The following KPNA4 variants were observed in gnomAD, a reference collection of about 807,000 sequenced individuals.
KPNA4 encodes importin subunit alpha-3.
KPNA4 carries 13 observed loss-of-function variants against 71.3 expected under a neutral mutation model. That is an observed-to-expected ratio of 0.18 (90% CI 0.12 to 0.29). KPNA4 has a LOEUF of 0.29. Among genes scored for constraint, KPNA4 ranks in the 10% least tolerant of loss-of-function variants. KPNA4 has a pLI of 1.00. For synonymous variants in KPNA4, 189 were observed against 195.2 expected (o/e 0.97, Z 0.26); for missense variants, 334 against 603.2 (o/e 0.55, Z 4.67).
At chr3:160,513,570 C>T (rs1721145124) in intron 13 of KPNA4, among the ~76,000 whole-genome samples, 2 of 152,062 alleles carry the variant, frequency 1.3e-5, no homozygotes. Flanking sequence ...CAGCCTCATG[C>T]TGTAATTGCG....
At chr3:160,527,620 A>G (rs1721482419) in intron 8 of KPNA4, among the ~76,000 whole-genome samples, 1 of 152,172 alleles carries the variant, frequency 6.6e-6, no homozygotes, top group African/African-American at 2.4e-5. Context: ...AAGCTGAGAA[A>G]TAAAAAGGGA....
chr3:160,514,520 A>G (rs1345418886), intron 12 of KPNA4, among the ~76,000 whole-genome samples: 1 of 152,224 alleles, frequency 6.6e-6, no homozygotes, highest in Non-Finnish European at 1.5e-5. Flanking sequence ...GTATAATACA[A>G]ATACAAATCC....
chr3:160,560,688 TAC>T (rs1169838603), intron 1 of KPNA4, among the ~76,000 whole-genome samples: 2 of 152,004 alleles, frequency 1.3e-5, no homozygotes, highest in Non-Finnish European at 2.9e-5. Context: ...ACTTAGTGAC[TAC>T]GAAAAATAAG....
intron 1 of KPNA4, among the ~76,000 whole-genome samples, chr3:160,537,285 T>C (rs987035093): frequency 7.3e-5 from 11 of 151,648 alleles, no homozygotes; most frequent in Non-Finnish European, 1.5e-4. Flanking sequence ...CCTTATCTCA[T>C]AGAAAACACT....
chr3:160,563,085 T>C (rs575873613), intron 1 of KPNA4, among the ~76,000 whole-genome samples: 14 of 152,236 alleles, frequency 9.2e-5, no homozygotes, highest in Non-Finnish European at 1.8e-4. Flanking sequence ...AGTAGTATTA[T>C]GTAAAATAGC....
chr3:160,515,458 A>C lies in KPNA4; in HGVS notation c.1026T>G (p.Ile342Met). The change falls in exon 12 of 17, where the codon ATT (isoleucine) becomes ATG (methionine). Residue 342 changes from isoleucine (I) to methionine (M), a missense_variant. Coordinates refer to ENST00000334256, the MANE Select transcript of KPNA4 (RefSeq NM_002268.5). ...PALLTHPKEK[I>M]NKEAVWFLSN... The stretch of plus-strand genomic sequence containing the variant: ...AGTATTTAATAGTACTTACTTTATT[A>C]ATTTTCTCTTTGGGATGTGTCAGGA... 1 of 1,612,256 alleles carries C rather than the reference A, an allele frequency of 6.2e-7. No homozygotes were observed. The highest frequency in any genetic ancestry group is 8.5e-7 in the Non-Finnish European group (1 of 1,178,696).
chr3:160,546,432 C>T (rs1010993831), intron 1 of KPNA4, among the ~76,000 whole-genome samples: 5 of 152,076 alleles, frequency 3.3e-5, no homozygotes, highest in African/African-American at 9.7e-5. Flanking sequence ...GGAGGAGAAT[C>T]GCTTGAACCC....
chr3:160,531,579 C>T (rs779422577), intron 5 of KPNA4, 22 bp from the exon 6 acceptor site: 6 of 1,235,182 alleles, frequency 4.9e-6, no homozygotes, highest in Non-Finnish European at 6.9e-6. Flanking sequence ...AAAAACACTC[C>T]TGTGAAACTT....
At chr3:160,543,367 A>AACTG (rs1721845179) in intron 1 of KPNA4, among the ~76,000 whole-genome samples, 2 of 151,788 alleles carry the variant, frequency 1.3e-5, no homozygotes, top group Non-Finnish European at 2.9e-5. Flanking sequence ...CCGAGACAGA[A>AACTG]TCTCACTCTG....
At chr3:160,564,809 G>C (rs1722306565) in intron 1 of KPNA4, among the ~76,000 whole-genome samples, 2 of 151,780 alleles carry the variant, frequency 1.3e-5, no homozygotes, top group African/African-American at 4.8e-5. Context: ...CGCGGCGCCA[G>C]ACGTCGGTGC....
chr3:160,541,099 G>A (rs924517032), intron 1 of KPNA4, among the ~76,000 whole-genome samples: 2 of 152,172 alleles, frequency 1.3e-5, no homozygotes, highest in East Asian at 3.9e-4. Context: ...TTAATGAGGT[G>A]TAGATTCTAG....
chr3:160,507,499 C>CAAAAA (rs57528939), intron 15 of KPNA4, among the ~76,000 whole-genome samples: 2 of 49,472 alleles, frequency 4.0e-5, no homozygotes, highest in Admixed American at 2.1e-4. Flanking sequence ...GACACTGTCT[C>CAAAAA]AAAAAAAAAA....
At chr3:160,561,379 C>T (rs1216715754) in intron 1 of KPNA4, among the ~76,000 whole-genome samples, 3 of 151,510 alleles carry the variant, frequency 2.0e-5, no homozygotes, top group Non-Finnish European at 3.0e-5. Context: ...CTGTGTTGCA[C>T]TGTATATACC....
In KPNA4 at chr3:160,525,833, G is replaced by A. The variant is rs1234795692; in HGVS notation, c.738C>T (p.Ala246=). 1.3e-6 allele frequency: 2 copies of A among 1,568,552 alleles called. No individual in the cohort carries two copies. Among genetic ancestry groups the A allele is most frequent in the South Asian group, 2.5e-5 (2 of 81,630 alleles). Residue 246 remains alanine (A), a synonymous_variant, in exon 10 of 17, where the codon GCC becomes GCT. Coordinates refer to ENST00000334256, the MANE Select transcript of KPNA4 (RefSeq NM_002268.5). ...CTGTGTGATGAATTAAAACACAAAG[G>A]GCTGGAAGAATCTGAGGAGAGAAAT... ...PMETIQEILP[A]LCVLIHHTDV...
intron 1 of KPNA4, among the ~76,000 whole-genome samples, chr3:160,563,686 T>C (rs997673258): frequency 1.3e-5 from 2 of 152,218 alleles, no homozygotes; most frequent in South Asian, 2.1e-4. Flanking sequence ...TCATTCTAAG[T>C]ATTCATATTA....
chr3:160,543,113 CTA>C (rs1721837504), intron 1 of KPNA4, among the ~76,000 whole-genome samples: 1 of 152,102 alleles, frequency 6.6e-6, no homozygotes, highest in Non-Finnish European at 1.5e-5. Context: ...CTATATTCTT[CTA>C]TCTTTTGCAC....
rs576245889 is a variant in KPNA4, at chr3:160,529,210, T to C, written c.470-1171A>G. Reference sequence around the variant, plus strand: ...CAGCCTCCCTAAGTGCTAGAATTACTGGCATGAGCCACCATGCCCAACCTC... The same window carrying C: ...CAGCCTCCCTAAGTGCTAGAATTACCGGCATGAGCCACCATGCCCAACCTC... On this transcript the variant is annotated intron_variant, in intron 7 of 16. Transcript: ENST00000334256. Among the ~76,000 whole-genome samples the C allele has an allele frequency of 3.9e-5, 6 of 152,250 alleles. No homozygotes were observed. In the South Asian group the frequency reaches 6.2e-4, roughly 16 times the overall value.
At chr3:160,524,519 T>A (rs1721423044) in intron 10 of KPNA4, among the ~76,000 whole-genome samples, 2 of 152,000 alleles carry the variant, frequency 1.3e-5, no homozygotes, top group Admixed American at 1.3e-4. Context: ...TTTTTTGGTA[T>A]TTTTCATAGA....
chr3:160,533,448 T>TA (rs202042106), intron 5 of KPNA4, among the ~76,000 whole-genome samples: 162 of 143,282 alleles, frequency 1.1e-3, no homozygotes, highest in African/African-American at 2.6e-3. Flanking sequence ...AGTGGAAATT[T>TA]AAAAAAAAAA....
Sources: gnomAD v4.1 joint callset for allele counts (sites outside exome capture counted in the v4.1 genomes callset) on GRCh38, gnomAD v4.1.1 for gene constraint, MANE v1.5 for transcripts, NCBI Gene and HGNC (gene_info 2026-07-23, HGNC 2026-07-21) for gene names.